VPS13A: variants seen among roughly 807,000 people sequenced by gnomAD.
VPS13A encodes intermembrane lipid transfer protein VPS13A.
VPS13A carries 264 observed loss-of-function variants against 390.9 expected under a neutral mutation model. That is an observed-to-expected ratio of 0.68 (90% confidence interval 0.61 to 0.75). VPS13A has a LOEUF of 0.75. Ranked by LOEUF, VPS13A falls within the 30% of genes least tolerant of loss-of-function variation. The pLI, the probability that VPS13A is intolerant of heterozygous loss-of-function variation, is 0.00. For synonymous variants in VPS13A, 1,231 were observed against 1,227.1 expected (o/e 1.00, Z -0.07); for missense variants, 3,409 against 3,733.9 (o/e 0.91, Z 2.27).
intron 68 of VPS13A, chr9:77,384,576 T>C (rs753135989): frequency 6.2e-7 from 1 of 1,611,580 alleles, no homozygotes; most frequent in African/African-American, 1.3e-5. Context: ...TCCTTTGCCA[T>C]GCTTACAGAA....
chr9:77,185,532 A>C (rs1407693380), intron 1 of VPS13A, among the ~76,000 whole-genome samples: 4 of 152,132 alleles, frequency 2.6e-5, no homozygotes, highest in Non-Finnish European at 5.9e-5. Context: ...TGGGGGAAAA[A>C]CTTCACATAT....
intron 47 of VPS13A, chr9:77,338,442 T>C (rs1248849007): frequency 6.6e-6 from 1 of 152,220 alleles, no homozygotes; most frequent in Non-Finnish European, 1.5e-5. Context: ...GCTAGCTGTA[T>C]GTTCTTAAGC....
At chr9:77,344,316 G>T in intron 51 of VPS13A, 35 bp downstream of exon 51, 1 of 1,605,252 alleles carries the variant, frequency 6.2e-7, no homozygotes. Context: ...TGTGTCATTA[G>T]GAAAGCTAAA....
chr9:77,376,361 G>A (rs1389800708), intron 67 of VPS13A, among the ~76,000 whole-genome samples: 1 of 152,174 alleles, frequency 6.6e-6, no homozygotes, highest in Non-Finnish European at 1.5e-5. Context: ...GAGAAATGAT[G>A]TGAGCTGGCT....
At chr9:77,214,266 A>G (rs1355311029) in intron 9 of VPS13A, 63 bp from the exon 10 acceptor site, 7 of 1,416,756 alleles carry the variant, frequency 4.9e-6, no homozygotes, top group Non-Finnish European at 7.0e-6. Flanking sequence ...ACAGGGGGAG[A>G]CTCCATCTCA....
chr9:77,259,836 A>T (rs1006185577), intron 22 of VPS13A, among the ~76,000 whole-genome samples: 1 of 152,238 alleles, frequency 6.6e-6, no homozygotes, highest in Non-Finnish European at 1.5e-5. Flanking sequence ...CTTGATTAGT[A>T]GTAATTGTCA....
intron 23 of VPS13A, among the ~76,000 whole-genome samples, chr9:77,268,491 C>T (rs1826161658): frequency 6.6e-6 from 1 of 152,148 alleles, no homozygotes; most frequent in Non-Finnish European, 1.5e-5. Flanking sequence ...ACTGTCTAAC[C>T]AGTCCCACTG....
chr9:77,407,391 T>A, intron 70 of VPS13A, 142 bp from the exon 71 acceptor site: 1 of 627,360 alleles, frequency 1.6e-6, no homozygotes, highest in Non-Finnish European at 2.8e-6. Flanking sequence ...TCTTCTTGCT[T>A]CCTCATTCTT....
At chr9:77,387,308 A>G (rs954462161) in intron 68 of VPS13A, among the ~76,000 whole-genome samples, 3 of 152,246 alleles carry the variant, frequency 2.0e-5, no homozygotes, top group Non-Finnish European at 2.9e-5. Context: ...ATAATTAACT[A>G]GAACTTTTAA....
In VPS13A at chr9:77,296,774, G is replaced by A. The variant is rs569177609; in HGVS notation, c.3812+928G>A. The stretch of plus-strand genomic sequence containing the variant: ...TAAGTATTAGGTAGAATTTACCAGC[G>A]AAGCCATCTCGTCTTAGAGTTTGCT... On this transcript the variant is annotated intron_variant, in intron 33 of 71. Coordinates refer to ENST00000360280, the MANE Select transcript of VPS13A (RefSeq NM_033305.3). Among the ~76,000 whole-genome samples the A allele has an allele frequency of 4.6e-5, 7 of 152,252 alleles. 1 individual carries two copies. The South Asian group carries it at 1.0e-3, about 23-fold the overall frequency.
intron 71 of VPS13A, among the ~76,000 whole-genome samples, chr9:77,410,387 C>G (rs1231922427): frequency 6.6e-6 from 1 of 152,174 alleles, no homozygotes; most frequent in Non-Finnish European, 1.5e-5. Context: ...ACTGCATCAA[C>G]TAACGAGCAA....
chr9:77,410,585 A>G (rs1834872685), intron 71 of VPS13A, among the ~76,000 whole-genome samples: 1 of 152,244 alleles, frequency 6.6e-6, no homozygotes, highest in Admixed American at 6.5e-5. Flanking sequence ...CTCAAAATAA[A>G]GGGATGGAGG....
At chr9:77,210,160 CCTCT>C (rs150244384) in intron 6 of VPS13A, among the ~76,000 whole-genome samples, 17,697 of 106,670 alleles carry the variant, frequency 0.17, 1,184 homozygotes, top group Middle Eastern at 0.19. Flanking sequence ...CCCCCACCTC[CCTCT>C]CTCTCTCTCT....
rs201133575 is a variant in VPS13A, at chr9:77,226,577, C to A, written c.1336C>A (p.Gln446Lys). Residue 446 changes from glutamine (Q) to lysine (K), a missense_variant, in exon 15 of 72, where the codon CAA (glutamine) becomes AAA (lysine). By Grantham distance (53) the Gln-to-Lys change is moderately conservative. Transcript: ENST00000360280. ...SWSEQNTNEQ[Q>K]PDVQPETLEE... is the part of the protein sequence containing the mutation. ...GTCAGAACAAAATACTAATGAACAG[C>A]AACCAGATGTTCAACCTGAAAGTAT... 22 of 1,612,480 alleles carry A rather than the reference C, an allele frequency of 1.4e-5. 1 individual carries two copies. Among genetic ancestry groups the A allele is most frequent in the Non-Finnish European group, 8.5e-7 (1 of 1,179,102 alleles).
At chr9:77,301,007 A>G (rs549099005) in intron 33 of VPS13A, among the ~76,000 whole-genome samples, 28 of 152,386 alleles carry the variant, frequency 1.8e-4, no homozygotes, top group African/African-American at 6.5e-4. Context: ...GCAATATATT[A>G]AATGCAGTGA....
At chr9:77,246,272 A>G (rs1824800966) in intron 19 of VPS13A, among the ~76,000 whole-genome samples, 2 of 152,148 alleles carry the variant, frequency 1.3e-5, no homozygotes, top group Admixed American at 6.5e-5. Flanking sequence ...TGGCTTGTAT[A>G]TCAAGCTGAT....
At position 77,202,517 on chromosome 9, in the gene VPS13A, C is replaced by T. The variant is rs921344071; in HGVS notation, c.187+1110C>T. Among the ~76,000 whole-genome samples, 42 of 152,032 alleles carry T rather than the reference C, an allele frequency of 2.8e-4. 1 individual carries two copies. Among genetic ancestry groups the T allele is most frequent in the Admixed American group, 2.7e-3 (42 of 15,280 alleles). ...CTGTACCATAATAATCCAGTGAATG[C>T]ATATTTGGATATTGTAGAATAATTT... On this transcript the variant is annotated intron_variant, in intron 3 of 71. Coordinates refer to ENST00000360280, the MANE Select transcript of VPS13A (RefSeq NM_033305.3).
chr9:77,351,422 C>T lies in VPS13A; in HGVS notation c.7395C>T (p.Ser2465=). The T allele has an allele frequency of 6.2e-7, 1 of 1,613,522 alleles. No homozygotes were observed. The highest frequency in any genetic ancestry group is 8.5e-7 in the Non-Finnish European group (1 of 1,179,674). Residue 2465 remains serine, a synonymous_variant, in exon 53 of 72, where the codon AGC becomes AGT. Coordinates refer to ENST00000360280, the MANE Select transcript of VPS13A (RefSeq NM_033305.3). The part of the protein sequence containing the change: ...SRRLKWRCRK[S]HGEVTQKDDM... ...GGCTGAAGTGGAGATGTAGAAAAAG[C>T]CATGGTGAAGTAACACAGAAGGATG...
chr9:77,221,416 C>T (rs1823206878), intron 13 of VPS13A, 60 bp downstream of exon 13: 1 of 1,563,048 alleles, frequency 6.4e-7, no homozygotes, highest in Non-Finnish European at 8.8e-7. Context: ...TATTGGTCTT[C>T]AGTGACTGAT....
Sources: gnomAD v4.1 joint callset for allele counts (sites outside exome capture counted in the v4.1 genomes callset) on GRCh38, gnomAD v4.1.1 for gene constraint, MANE v1.5 for transcripts, NCBI Gene and HGNC (gene_info 2026-07-23, HGNC 2026-07-21) for gene names.